The following TET3 variants were observed in gnomAD, a reference collection of about 807,000 sequenced individuals.
The protein encoded by TET3 is methylcytosine dioxygenase TET3.
TET3 carries 19 observed loss-of-function variants against 141.4 expected under a neutral mutation model. The ratio of observed to expected loss-of-function variants is 0.13; its 90% confidence interval spans 0.09 to 0.20. The LOEUF is 0.20. Ranked by LOEUF, TET3 falls within the 10% of genes least tolerant of loss-of-function variation. The probability of loss-of-function intolerance (pLI) is 1.00; values close to 1 mark genes in which losing one functional copy is unlikely to be tolerated. For missense variants in TET3, 1,874 were observed against 2,356.9 expected, an observed-to-expected ratio of 0.80 and a Z score of 4.24; for synonymous variants, 1,043 against 980.9, an observed-to-expected ratio of 1.06 and a Z score of -1.18.
At chr2:74,063,025 A>G (rs1311229677) in intron 4 of TET3, among the ~76,000 whole-genome samples, 1 of 151,720 alleles carries the variant, frequency 6.6e-6, no homozygotes, top group Non-Finnish European at 1.5e-5. Flanking sequence ...CTGGGGTTAC[A>G]GGCGTGCACC....
chr2:74,082,579 G>A (rs2104009695), intron 6 of TET3, among the ~76,000 whole-genome samples: 1 of 151,538 alleles, frequency 6.6e-6, no homozygotes, highest in East Asian at 1.9e-4. Flanking sequence ...TTTTTTTTAT[G>A]GGAGGAGCAA....
At chr2:73,991,958 A>G (rs897127346) in intron 2 of TET3, among the ~76,000 whole-genome samples, 1 of 152,128 alleles carries the variant, frequency 6.6e-6, no homozygotes, top group Non-Finnish European at 1.5e-5. Context: ...GTAAAAGGCC[A>G]AGCACATTAT....
chr2:74,058,478 C>A (rs970604951), intron 4 of TET3, among the ~76,000 whole-genome samples: 22 of 151,200 alleles, frequency 1.5e-4, no homozygotes, highest in African/African-American at 5.1e-4. Flanking sequence ...AATAACAATG[C>A]CGATTAACTT....
At chr2:74,073,445 T>C in intron 4 of TET3, 104 bp from the exon 5 acceptor site, 1 of 757,974 alleles carries the variant, frequency 1.3e-6, no homozygotes, top group Middle Eastern at 2.6e-4. Context: ...GTGGGTTTCC[T>C]GTTTTCTAGC....
chr2:74,023,607 A>C (rs1470297085), intron 3 of TET3, among the ~76,000 whole-genome samples: 2 of 152,214 alleles, frequency 1.3e-5, no homozygotes, highest in African/African-American at 4.8e-5. Flanking sequence ...CAGAGACTTT[A>C]GGCTGTGGGA....
chr2:74,085,273 C>A (rs1009771629), intron 6 of TET3, among the ~76,000 whole-genome samples: 1 of 152,156 alleles, frequency 6.6e-6, no homozygotes, highest in African/African-American at 2.4e-5. Flanking sequence ...GAATTTCCCC[C>A]AGGCGGTAGT....
At chr2:74,097,160 T>C (rs1294002562) in intron 10 of TET3, among the ~76,000 whole-genome samples, 2 of 145,248 alleles carry the variant, frequency 1.4e-5, no homozygotes, top group African/African-American at 5.0e-5. Flanking sequence ...GTATATATAA[T>C]GTAATCCGAT....
chr2:74,108,016 T>C lies in TET3; in HGVS notation c.*5840T>C, dbSNP rs565085978. 6.5e-6 allele frequency: 1 copy of C among 153,834 alleles called. No individual in the cohort carries two copies. Among genetic ancestry groups the C allele is most frequent in the South Asian group, 2.1e-4 (1 of 4,816 alleles). 9.5% of individuals were successfully genotyped at this position (153,834 alleles called of 1,614,324 possible). A position where few individuals can be genotyped will look rare whatever the true frequency, so the allele number is the denominator to read the frequency against. ...CCTTCTCCCTCAGTGTTTCAGTAAATTTAATTTAGGGTGCCTAGAAATTGC... is the reference window on the plus strand; with the variant it reads ...CCTTCTCCCTCAGTGTTTCAGTAAACTTAATTTAGGGTGCCTAGAAATTGC... On this transcript the variant is annotated 3_prime_UTR_variant, in exon 12 of 12. Coordinates refer to ENST00000409262, the MANE Select transcript of TET3 (RefSeq NM_001287491.2).
At chr2:73,999,249 G>C (rs1684733828) in intron 2 of TET3, among the ~76,000 whole-genome samples, 1 of 152,158 alleles carries the variant, frequency 6.6e-6, no homozygotes, top group Non-Finnish European at 1.5e-5. Flanking sequence ...CAAGTGAGGG[G>C]GTGGCAAGAA....
rs1266004604 is a variant in TET3 at position 74,093,715 on chromosome 2, G to A, written c.3267+49G>A. 28 of 1,508,914 alleles carry A rather than the reference G, an allele frequency of 1.9e-5. No individual in the cohort carries two copies. Among genetic ancestry groups the A allele is most frequent in the Non-Finnish European group, 2.5e-5 (28 of 1,119,944 alleles). The allele number at this position is 1,508,914 out of a possible 1,614,324, so 93.5% of individuals were successfully genotyped here. The stretch of plus-strand genomic sequence containing the variant: ...CCCACCTGTGGGGCAACTGTGGGAG[G>A]GAGTCCACCGTGGTCTTTTCAGAAA... On this transcript the variant is annotated intron_variant, in intron 10 of 11. Transcript: ENST00000409262. This position sits in a 1 kb window ranked among gnomAD's most constrained non-coding sequence, Gnocchi z 4.2.
In TET3 at chr2:74,087,955, C is replaced by T. The variant is rs115293949; in HGVS notation, c.2805C>T (p.Leu935=). The part of the protein sequence containing the change: ...ILAWEGIPRS[L]GDTLYQELTD... ...CCTGGGAGGGCATTCCCCGTAGCCT[C>T]GGAGACACCCTCTACCAGGAGCTCA... Residue 935 remains leucine (L), a synonymous_variant, in exon 7 of 12, where the codon CTC becomes CTT. Coordinates refer to ENST00000409262, the MANE Select transcript of TET3 (RefSeq NM_001287491.2). The surrounding 1 kb of genome is among the most constrained non-coding windows in gnomAD (Gnocchi z 4.3). The T allele has an allele frequency of 6.6e-4, 1,024 of 1,555,432 alleles. 2 individuals carry two copies. The African/African-American group carries it at 0.011, about 17-fold the overall frequency.
At chr2:74,131,372 G>T in the TET3 span, among the ~76,000 whole-genome samples, 2 of 152,284 alleles carry the variant, frequency 1.3e-5, no homozygotes, top group Non-Finnish European at 1.5e-5. Flanking sequence ...GCCATTGTCT[G>T]GTCGGTGGAC....
At chr2:74,075,657 A>G (rs1177343411) in intron 5 of TET3, among the ~76,000 whole-genome samples, 1 of 152,186 alleles carries the variant, frequency 6.6e-6, no homozygotes, top group African/African-American at 2.4e-5. Flanking sequence ...TCTGTGTAGC[A>G]GGAAACATGA....
intron 3 of TET3, among the ~76,000 whole-genome samples, chr2:74,016,352 C>T (rs1685728279): frequency 6.6e-6 from 1 of 151,806 alleles, no homozygotes; most frequent in Admixed American, 6.6e-5. Context: ...TCATGTATGC[C>T]AGGCACTGTG....
At chr2:74,131,310 C>T in the TET3 span, among the ~76,000 whole-genome samples, 1 of 152,190 alleles carries the variant, frequency 6.6e-6, no homozygotes, top group African/African-American at 2.4e-5. Flanking sequence ...TCCATTATCT[C>T]CGCACTTCCC....
intron 3 of TET3, among the ~76,000 whole-genome samples, chr2:74,007,664 T>C (rs928511485): frequency 6.6e-6 from 1 of 152,210 alleles, no homozygotes; most frequent in East Asian, 1.9e-4. Flanking sequence ...TTTTCTACTC[T>C]ACTCCTACTC....
At position 74,101,041 on chromosome 2, in the gene TET3, G is replaced by A. The variant is rs1284348743; in HGVS notation, c.4253G>A (p.Gly1418Asp). The stretch of plus-strand genomic sequence containing the variant: ...GTGCCCAGAGACGCTGGCAAGATGG[G>A]CAAGACACCTCTGTCCGAGGTGTCT... ...EPVPRDAGKM[G>D]KTPLSEVSQN... The change falls in exon 12 of 12, where the codon GGC (glycine) becomes GAC (aspartate). Residue 1418 changes from glycine (G) to aspartate (D), a missense_variant. Transcript: ENST00000409262. The surrounding 1 kb of genome is among the most constrained non-coding windows in gnomAD (Gnocchi z 8.5). The A allele has an allele frequency of 3.1e-6, 5 of 1,613,056 alleles. No homozygotes were observed. The highest frequency in any genetic ancestry group is 1.3e-5 in the African/African-American group (1 of 74,918).
At position 74,092,983 on chromosome 2, in the gene TET3, C is replaced by G; in HGVS notation, c.3121C>G (p.Gln1041Glu). 1.9e-6 allele frequency: 3 copies of G among 1,571,200 alleles called. No individual in the cohort carries two copies. The highest frequency in any genetic ancestry group is 2.6e-6 in the Non-Finnish European group (3 of 1,158,084). ...CAAGCGACTGGCCCCTCAGGCCTAT[C>G]AGAACCAGGTAACGGGCCCTGGGCC... ...LYKRLAPQAYQNQVTNEEIAI... is the reference protein window; with the variant it reads ...LYKRLAPQAYENQVTNEEIAI... The change falls in exon 9 of 12, where the codon CAG (glutamine) becomes GAG (glutamate). Residue 1041 changes from glutamine (Q) to glutamate (E), a missense_variant. Physicochemically the swap from Gln to Glu is conservative, Grantham distance 29. Transcript: ENST00000409262.
At position 74,105,587 on chromosome 2, in the gene TET3, G is replaced by C; in HGVS notation, c.*3411G>C. 1 of 393,454 alleles carries C rather than the reference G, an allele frequency of 2.5e-6. No homozygotes were observed. Among genetic ancestry groups the C allele is most frequent in the Non-Finnish European group, 4.5e-6 (1 of 222,514 alleles). 24.4% of individuals were successfully genotyped at this position (393,454 alleles called of 1,614,324 possible). A position where few individuals can be genotyped will look rare whatever the true frequency, so the allele number is the denominator to read the frequency against. ...GGGTACTGCTTTGCCTTCTCACCAA[G>C]GTGACGATGGTGTGCGTGGAAAGAG... On this transcript the variant is annotated 3_prime_UTR_variant, in exon 12 of 12. Coordinates refer to ENST00000409262, the MANE Select transcript of TET3 (RefSeq NM_001287491.2).
Sources: gnomAD v4.1 joint callset for allele counts (sites outside exome capture counted in the v4.1 genomes callset) on GRCh38, gnomAD v4.1.1 for gene constraint, Gnocchi (gnomAD v3.1) non-coding constraint, MANE v1.5 for transcripts, NCBI Gene and HGNC (gene_info 2026-07-23, HGNC 2026-07-21) for gene names.